The following PIK3R6 variants were observed in gnomAD, a reference collection of about 807,000 sequenced individuals.
PIK3R6 encodes the protein phosphoinositide-3-kinase regulatory subunit 6.
A neutral mutation model predicts 84.9 loss-of-function variants in PIK3R6; 91 were observed. The observed-to-expected ratio is 1.07, with a 90% CI of 0.90 to 1.28. PIK3R6 has a LOEUF of 1.28. PIK3R6 is among the 50% of genes most tolerant of loss of function. PIK3R6 has a pLI of 0.00. For synonymous variants in PIK3R6, 416 were observed against 411.4 expected, an observed-to-expected ratio of 1.01 and a Z score of -0.13; for missense variants, 996 against 985.1, an observed-to-expected ratio of 1.01 and a Z score of -0.15.
Position 8,806,587 on chromosome 17 carries a change from G to C in PIK3R6, c.1996-2434C>G, listed in dbSNP as rs139748862. ...TGAAGCCATGGGAGCCAGTGGAAAG[G>C]GCCAGATGCAGAATTTGCAAAGGAT... On this transcript the variant is annotated intron_variant, in intron 18 of 19. Coordinates refer to ENST00000619866, the MANE Select transcript of PIK3R6 (RefSeq NM_001010855.4). Among the ~76,000 whole-genome samples, 136 of 152,286 alleles carry C rather than the reference G, an allele frequency of 8.9e-4. 1 individual carries two copies. Among genetic ancestry groups the C allele is most frequent in the Middle Eastern group, 3.4e-3 (1 of 294 alleles).
intron 2 of PIK3R6, among the ~76,000 whole-genome samples, chr17:8,847,297 AC>A (rs1358273124): frequency 6.6e-6 from 1 of 151,934 alleles, no homozygotes; most frequent in African/African-American, 2.4e-5. Flanking sequence ...GATCCTCCTT[AC>A]CCCTATGCAG....
At chr17:8,838,082 G>T (rs759615568) in intron 4 of PIK3R6, among the ~76,000 whole-genome samples, 5 of 152,098 alleles carry the variant, frequency 3.3e-5, no homozygotes, top group Non-Finnish European at 7.4e-5. Flanking sequence ...AGCGTGGGGG[G>T]GCCTCAGAGA....
intron 17 of PIK3R6, among the ~76,000 whole-genome samples, chr17:8,821,240 C>T (rs940879931): frequency 6.6e-6 from 1 of 152,162 alleles, no homozygotes; most frequent in African/African-American, 2.4e-5. Context: ...GGTTTGAATT[C>T]CAGTTCTGAT....
At chr17:8,854,209 C>T (rs977685119) in intron 1 of PIK3R6, among the ~76,000 whole-genome samples, 6 of 151,910 alleles carry the variant, frequency 3.9e-5, no homozygotes, top group East Asian at 3.9e-4. Flanking sequence ...GAGTGCGATG[C>T]GTGATCTTGG....
chr17:8,812,604 C>G (rs1464121595), intron 18 of PIK3R6, among the ~76,000 whole-genome samples: 1 of 152,028 alleles, frequency 6.6e-6, no homozygotes, highest in East Asian at 1.9e-4. Flanking sequence ...CAAGAGGAAC[C>G]CTCAAAACTA....
In PIK3R6 at chr17:8,829,554, A is replaced by G. The variant is rs1027663044; in HGVS notation, c.889+152T>C. Reference sequence around the variant, plus strand: ...GACACACGCATGCACACAGACACACACTCATGCACACATACACACACAGAC... The same window carrying G: ...GACACACGCATGCACACAGACACACGCTCATGCACACATACACACACAGAC... On this transcript the variant is annotated intron_variant, in intron 10 of 19. Transcript: ENST00000619866. Among the ~76,000 whole-genome samples, 5 of 150,314 alleles carry G rather than the reference A, an allele frequency of 3.3e-5. 1 individual carries two copies. Among genetic ancestry groups the G allele is most frequent in the East Asian group, 3.9e-4 (2 of 5,156 alleles).
rs2088057919 is a variant in PIK3R6 at position 8,828,945 on chromosome 17, A to T, written c.935T>A (p.Leu312His). 1.3e-6 allele frequency: 2 copies of T among 1,508,984 alleles called. No individual in the cohort carries two copies. The highest frequency in any genetic ancestry group is 2.3e-5 in the Admixed American group (1 of 43,074). 93.5% of individuals were successfully genotyped at this position (1,508,984 alleles called of 1,614,324 possible). Reference sequence around the variant, plus strand: ...ATCCAAGACCTCCAAGTCAGCACTGAGGCGCAGCTGGGATCTTGGGCGGAG... The same window carrying T: ...ATCCAAGACCTCCAAGTCAGCACTGTGGCGCAGCTGGGATCTTGGGCGGAG... ...LFLRPRSQLR[L>H]SADLEVLDLQ... The change falls in exon 11 of 20, where the codon CTC becomes CAC. Residue 312 changes from leucine (L) to histidine (H), a missense_variant. By Grantham distance (99) the Leu-to-His change is moderately conservative. Transcript: ENST00000619866.
intron 5 of PIK3R6, among the ~76,000 whole-genome samples, chr17:8,837,367 C>T (rs987992200): frequency 6.6e-6 from 1 of 152,058 alleles, no homozygotes. Flanking sequence ...GTGTGCCCTC[C>T]GTCTCTGCCG....
intron 18 of PIK3R6, among the ~76,000 whole-genome samples, chr17:8,813,248 A>C (rs1382323375): frequency 6.6e-6 from 1 of 151,286 alleles, no homozygotes; most frequent in Non-Finnish European, 1.5e-5. Flanking sequence ...AAATTGAATT[A>C]GTAATAAAAA....
intron 18 of PIK3R6, among the ~76,000 whole-genome samples, chr17:8,808,902 T>C (rs1453363969): frequency 6.6e-6 from 1 of 152,184 alleles, no homozygotes; most frequent in African/African-American, 2.4e-5. Context: ...TTTTAGGGTA[T>C]TTAAAGACTC....
chr17:8,838,733 G>A, intron 3 of PIK3R6, 78 bp from the exon 4 acceptor site: 4 of 1,365,218 alleles, frequency 2.9e-6, no homozygotes, highest in Non-Finnish European at 4.0e-6. Flanking sequence ...AGGACCCTGA[G>A]CCCTGGAGCC....
chr17:8,863,626 C>G (rs1016448877), intron 1 of PIK3R6, among the ~76,000 whole-genome samples: 1 of 152,052 alleles, frequency 6.6e-6, no homozygotes, highest in Non-Finnish European at 1.5e-5. Context: ...CCTCCACCTC[C>G]CAGGTTCAAG....
rs1335458932 is a variant in PIK3R6, at chr17:8,852,873, T to C, written c.-91-2988A>G. Among the ~76,000 whole-genome samples the C allele has an allele frequency of 3.3e-5, 5 of 152,368 alleles. No individual in the cohort carries two copies. The East Asian group carries it at 9.6e-4, about 29-fold the overall frequency. Reference sequence around the variant, plus strand: ...AGAAGAGAAATTAGTATAGCCTTTCTGGGTGATTGCTGGACAATATTTATC... The same window carrying C: ...AGAAGAGAAATTAGTATAGCCTTTCCGGGTGATTGCTGGACAATATTTATC... On this transcript the variant is annotated intron_variant, in intron 1 of 19. Coordinates refer to ENST00000619866, the MANE Select transcript of PIK3R6 (RefSeq NM_001010855.4).
In PIK3R6 at chr17:8,828,154, T is replaced by C. The variant is rs368266052; in HGVS notation, c.1350A>G (p.Arg450=). 1.5e-5 allele frequency: 25 copies of C among 1,613,914 alleles called. No homozygotes were observed. Among genetic ancestry groups the C allele is most frequent in the Non-Finnish European group, 2.1e-5 (25 of 1,179,844 alleles). ...RETQKFCLTP[R]LSLQLYYIPV... is the part of the protein sequence containing the mutation. ...GGATGTAGTAGAGCTGCAGGCTGAGTCTGGGAGTGAGGCAGAACTTCTGGG... is the reference window on the plus strand; with the variant it reads ...GGATGTAGTAGAGCTGCAGGCTGAGCCTGGGAGTGAGGCAGAACTTCTGGG... Residue 450 remains arginine (R), a synonymous_variant, in exon 12 of 20, where the codon AGA becomes AGG. Transcript: ENST00000619866.
At chr17:8,828,220 T>G in intron 11 of PIK3R6, 30 bp from the exon 12 acceptor site, 1 of 1,607,000 alleles carries the variant, frequency 6.2e-7, no homozygotes. Context: ...CAGAGGAGGT[T>G]AGGGGCGGGG....
intron 18 of PIK3R6, among the ~76,000 whole-genome samples, chr17:8,813,494 T>C (rs188974520): frequency 1.3e-5 from 2 of 152,270 alleles, no homozygotes; most frequent in Admixed American, 1.3e-4. Flanking sequence ...TGAACATAGA[T>C]GCAAAAATCC....
At chr17:8,851,764 A>G (rs2151299957) in intron 1 of PIK3R6, among the ~76,000 whole-genome samples, 1 of 152,344 alleles carries the variant, frequency 6.6e-6, no homozygotes, top group East Asian at 1.9e-4. Context: ...ACTTTTAGGT[A>G]AAGACCCAAA....
chr17:8,854,158 T>C (rs1472438552), intron 1 of PIK3R6, among the ~76,000 whole-genome samples: 1 of 151,190 alleles, frequency 6.6e-6, no homozygotes, highest in African/African-American at 2.5e-5. Context: ...CCTTTATTTT[T>C]ATTTTTTTTT....
intron 13 of PIK3R6, among the ~76,000 whole-genome samples, chr17:8,825,679 A>G (rs542112994): frequency 6.6e-6 from 1 of 152,384 alleles, no homozygotes; most frequent in East Asian, 1.9e-4. Context: ...ACTTCACATT[A>G]AACAATAAAA....
Sources: allele counts gnomAD v4.1 joint callset (sites outside exome capture counted in the v4.1 genomes callset), GRCh38; gene constraint gnomAD v4.1.1; transcripts MANE v1.5; gene names NCBI Gene and HGNC (gene_info 2026-07-23, HGNC 2026-07-21).